Variants in PPP1R14C observed in about 807,000 individuals in gnomAD.
PPP1R14C encodes the protein protein phosphatase 1 regulatory inhibitor subunit 14C.
PPP1R14C carries 16 observed loss-of-function variants against 20.4 expected under a neutral mutation model. The ratio of observed to expected loss-of-function variants is 0.78; its 90% CI spans 0.53 to 1.19. The LOEUF is 1.19. PPP1R14C is among the 50% of genes most tolerant of loss of function. The pLI, the probability that PPP1R14C is intolerant of heterozygous loss-of-function variation, is 0.00. For synonymous variants in PPP1R14C, 91 were observed against 91.0 expected (o/e 1.00, Z 0.00); for missense variants, 211 against 220.1 (o/e 0.96, Z 0.26).
At chr6:150,229,895 A>G (rs961322283) in intron 3 of PPP1R14C, among the ~76,000 whole-genome samples, 3 of 152,184 alleles carry the variant, frequency 2.0e-5, no homozygotes, top group Non-Finnish European at 4.4e-5. Context: ...AGAAGGGGGA[A>G]ATTAAATGTG....
intron 3 of PPP1R14C, among the ~76,000 whole-genome samples, chr6:150,223,456 A>C (rs1242553608): frequency 6.6e-6 from 1 of 152,224 alleles, no homozygotes; most frequent in Non-Finnish European, 1.5e-5. Flanking sequence ...ACCATTTTGC[A>C]TTCTCACCAG....
chr6:150,202,097 CT>C (rs1394275456), intron 1 of PPP1R14C, among the ~76,000 whole-genome samples: 2 of 152,296 alleles, frequency 1.3e-5, no homozygotes, highest in East Asian at 3.9e-4. Flanking sequence ...CCCTCTGACC[CT>C]GGTGTAGCCT....
intron 3 of PPP1R14C, among the ~76,000 whole-genome samples, chr6:150,248,329 T>G (rs1017520514): frequency 6.6e-6 from 1 of 152,158 alleles, no homozygotes; most frequent in Non-Finnish European, 1.5e-5. Flanking sequence ...TTGGTGAGGT[T>G]CAAGGACTAA....
chr6:150,148,601 T>C (rs1157664392), intron 1 of PPP1R14C, among the ~76,000 whole-genome samples: 1 of 152,214 alleles, frequency 6.6e-6, no homozygotes, highest in Non-Finnish European at 1.5e-5. Flanking sequence ...TCAGCCGGCT[T>C]TGCTACTTTA....
intron 1 of PPP1R14C, among the ~76,000 whole-genome samples, chr6:150,163,656 C>G (rs1489482590): frequency 6.6e-6 from 1 of 151,982 alleles, no homozygotes; most frequent in Non-Finnish European, 1.5e-5. Context: ...TGTTGTTGTT[C>G]AACATTAGAT....
At chr6:150,144,299 C>T (rs780077110) in intron 1 of PPP1R14C, among the ~76,000 whole-genome samples, 4 of 152,252 alleles carry the variant, frequency 2.6e-5, no homozygotes, top group African/African-American at 4.8e-5. Flanking sequence ...TCCACGACAT[C>T]GTGACTTCCC....
rs76874721 is a variant in PPP1R14C at position 150,153,742 on chromosome 6, C to T, written c.306+10244C>T. Among the ~76,000 whole-genome samples, 931 of 152,224 alleles carry T rather than the reference C, an allele frequency of 6.1e-3. 3 individuals are homozygous for T. The highest frequency in any genetic ancestry group is 0.017 in the Middle Eastern group (5 of 294). Reference sequence around the variant, plus strand: ...AAGCTTAGAAAAAAGAAGACCAGAACGTGGGTGGGTCTCTAAATCATCACT... The same window carrying T: ...AAGCTTAGAAAAAAGAAGACCAGAATGTGGGTGGGTCTCTAAATCATCACT... On this transcript the variant is annotated intron_variant, in intron 1 of 3. Coordinates refer to ENST00000361131, the MANE Select transcript of PPP1R14C (RefSeq NM_030949.3).
At chr6:150,231,854 G>C (rs778118892) in intron 3 of PPP1R14C, among the ~76,000 whole-genome samples, 2 of 152,036 alleles carry the variant, frequency 1.3e-5, no homozygotes, top group Non-Finnish European at 2.9e-5. Context: ...ATTTCTTTCT[G>C]TTCATACACT....
intron 3 of PPP1R14C, among the ~76,000 whole-genome samples, chr6:150,224,859 G>A (rs1394757894): frequency 6.6e-6 from 1 of 152,124 alleles, no homozygotes; most frequent in Admixed American, 6.5e-5. Context: ...AAAAGGAACT[G>A]CTGTAAATGG....
intron 3 of PPP1R14C, among the ~76,000 whole-genome samples, chr6:150,224,573 AGG>A (rs1362516047): frequency 6.6e-6 from 1 of 152,000 alleles, no homozygotes; most frequent in East Asian, 1.9e-4. Flanking sequence ...AACCCATCAA[AGG>A]CATTATTTCT....
chr6:150,224,858 T>G (rs1778212956), intron 3 of PPP1R14C, among the ~76,000 whole-genome samples: 1 of 152,196 alleles, frequency 6.6e-6, no homozygotes, highest in Admixed American at 6.5e-5. Context: ...TAAAAGGAAC[T>G]GCTGTAAATG....
At chr6:150,184,094 A>G (rs185085542) in intron 1 of PPP1R14C, among the ~76,000 whole-genome samples, 18 of 152,340 alleles carry the variant, frequency 1.2e-4, no homozygotes, top group Admixed American at 2.0e-4. Flanking sequence ...ATTCTCTGTC[A>G]TAGATTCAGA....
chr6:150,184,087 C>T (rs1452813404), intron 1 of PPP1R14C, among the ~76,000 whole-genome samples: 2 of 152,206 alleles, frequency 1.3e-5, no homozygotes, highest in African/African-American at 2.4e-5. Flanking sequence ...TTATTTTATT[C>T]TCTGTCATAG....
intron 3 of PPP1R14C, among the ~76,000 whole-genome samples, chr6:150,247,567 A>G (rs1778507490): frequency 6.6e-6 from 1 of 152,244 alleles, no homozygotes; most frequent in Non-Finnish European, 1.5e-5. Flanking sequence ...AGAGTAGAAT[A>G]GAAATACCAG....
At position 150,226,616 on chromosome 6, in the gene PPP1R14C, A is replaced by G. The variant is rs545925839; in HGVS notation, c.423+9760A>G. Among the ~76,000 whole-genome samples the G allele has an allele frequency of 4.6e-5, 7 of 152,300 alleles. No individual in the cohort carries two copies. The South Asian group carries it at 1.5e-3, about 32-fold the overall frequency. On this transcript the variant is annotated intron_variant, in intron 3 of 3. Coordinates refer to ENST00000361131, the MANE Select transcript of PPP1R14C (RefSeq NM_030949.3). Reference sequence around the variant, plus strand: ...GTCTGTTAGGGGAGTTGTCTAGTCAATGAGCTTTTTTAAAAAAATCTCTTT... The same window carrying G: ...GTCTGTTAGGGGAGTTGTCTAGTCAGTGAGCTTTTTTAAAAAAATCTCTTT...
rs558498237 is a variant in PPP1R14C at position 150,210,149 on chromosome 6, C to T, written c.307-4595C>T. 9.2e-5 allele frequency among the ~76,000 whole-genome samples: 14 copies of T among 152,264 alleles called. 1 individual carries two copies. The highest frequency in any genetic ancestry group is 6.8e-3 in the Middle Eastern group (2 of 294). On this transcript the variant is annotated intron_variant, in intron 1 of 3. Coordinates refer to ENST00000361131, the MANE Select transcript of PPP1R14C (RefSeq NM_030949.3). ...GCATGCCCAGCGCCAGGTTCTGCAG[C>T]GCTTCCCAGTGCAGTGGCAATGCGG...
rs59562721 is a variant in PPP1R14C, at chr6:150,170,778, C to CTTT, written c.306+27294_306+27296dup. Among the ~76,000 whole-genome samples, 175 of 131,282 alleles carry CTTT rather than the reference C, an allele frequency of 1.3e-3. 3 individuals carry two copies. The highest frequency in any genetic ancestry group is 4.3e-3 in the African/African-American group (152 of 34,966). 86.1% of individuals were successfully genotyped at this position (131,282 alleles called of 152,430 possible). A position where few individuals can be genotyped will look rare whatever the true frequency, so the allele number is the denominator to read the frequency against. On this transcript the variant is annotated intron_variant, in intron 1 of 3. Transcript: ENST00000361131. ...GAGCCTTGTAGGTTACAGTACGACT[C>CTTT]TTTTTTTTTTTTTTTTAATGGTAAG...
intron 1 of PPP1R14C, among the ~76,000 whole-genome samples, chr6:150,166,953 A>C (rs1329897319): frequency 3.3e-5 from 5 of 152,124 alleles, no homozygotes; most frequent in African/African-American, 4.8e-5. Flanking sequence ...GAAAGAGGCC[A>C]GGCGCGGTGG....
chr6:150,239,529 GA>G (rs1412307991), intron 3 of PPP1R14C, among the ~76,000 whole-genome samples: 3 of 152,122 alleles, frequency 2.0e-5, no homozygotes, highest in Non-Finnish European at 4.4e-5. Context: ...TAAACTGAAT[GA>G]AAATAAAAGC....
Sources: gnomAD v4.1 joint callset for allele counts (sites outside exome capture counted in the v4.1 genomes callset) on GRCh38, gnomAD v4.1.1 for gene constraint, MANE v1.5 for transcripts, NCBI Gene and HGNC (gene_info 2026-07-23, HGNC 2026-07-21) for gene names.